ZHX2: variants seen among roughly 807,000 people sequenced by gnomAD.
ZHX2 encodes zinc fingers and homeoboxes protein 2.
In ZHX2, 6 loss-of-function variants were observed where a neutral mutation model predicts 21.9. The observed-to-expected ratio is 0.27, with a 90% confidence interval of 0.15 to 0.54. The LOEUF (loss-of-function observed/expected upper bound fraction) is 0.54. ZHX2 is among the 20% of genes least tolerant of loss of function. The probability of loss-of-function intolerance (pLI) is 0.95; values close to 1 mark genes in which losing one functional copy is unlikely to be tolerated. For synonymous variants in ZHX2, 434 were observed against 437.1 expected (o/e 0.99, Z 0.09); for missense variants, 908 against 1,090.7 (o/e 0.83, Z 2.36).
At chr8:122,966,452 A>G (rs781524051) in intron 3 of ZHX2, among the ~76,000 whole-genome samples, 1 of 152,140 alleles carries the variant, frequency 6.6e-6, no homozygotes, top group Non-Finnish European at 1.5e-5. Context: ...ACTGGTAATT[A>G]TTTTGTTTAA....
chr8:122,952,694 T>C lies in ZHX2; in HGVS notation c.1184T>C (p.Leu395Pro), dbSNP rs1419145126. The change falls in exon 3 of 4, where the codon CTT becomes CCT. Residue 395 changes from leucine to proline, a missense_variant. By Grantham distance (98) the Leu-to-Pro change is moderately conservative. Transcript: ENST00000314393. This position sits in a 1 kb window ranked among gnomAD's most constrained non-coding sequence, Gnocchi z 6.9. ...STTVSCSPIT[L>P]AVAGVTNHGQ... ...ACCGTCTCTTGCTCCCCCATCACACTTGCCGTGGCAGGAGTCACCAACCAT... is the reference window on the plus strand; with the variant it reads ...ACCGTCTCTTGCTCCCCCATCACACCTGCCGTGGCAGGAGTCACCAACCAT... 6.2e-7 allele frequency: 1 copy of C among 1,614,038 alleles called. No individual in the cohort carries two copies. Among genetic ancestry groups the C allele is most frequent in the Non-Finnish European group, 8.5e-7 (1 of 1,180,000 alleles).
chr8:122,876,175 C>T (rs555952558), intron 2 of ZHX2, among the ~76,000 whole-genome samples: 98 of 144,648 alleles, frequency 6.8e-4, no homozygotes, highest in African/African-American at 2.4e-3. Flanking sequence ...CATCACAACA[C>T]AGCACCAGGA....
chr8:122,946,185 G>A (rs1390761876), intron 2 of ZHX2, among the ~76,000 whole-genome samples: 1 of 151,738 alleles, frequency 6.6e-6, no homozygotes, highest in African/African-American at 2.4e-5. Flanking sequence ...CAGACCCGAA[G>A]ACTTTGCTCA....
upstream of ZHX2, chr8:122,780,532 A>G (rs748405703): frequency 3.9e-5 from 6 of 152,298 alleles, no homozygotes; most frequent in Non-Finnish European, 8.8e-5. Context: ...GCCGCCTGAG[A>G]TCCCGAAGTG....
intron 3 of ZHX2, among the ~76,000 whole-genome samples, chr8:122,958,383 A>T (rs1282473917): frequency 6.6e-6 from 1 of 152,256 alleles, no homozygotes; most frequent in Admixed American, 6.5e-5. Flanking sequence ...TTTTTTCAGA[A>T]AAATGAGTCA....
intron 3 of ZHX2, among the ~76,000 whole-genome samples, chr8:122,965,554 G>C (rs1813559816): frequency 1.3e-5 from 2 of 152,118 alleles, no homozygotes; most frequent in Admixed American, 1.3e-4. Flanking sequence ...ATTAAGACTT[G>C]TTTTGTGGCC....
At chr8:122,784,937 C>G (rs75421337) in intron 1 of ZHX2, among the ~76,000 whole-genome samples, 2,579 of 152,306 alleles carry the variant, frequency 0.017, 45 homozygotes, top group East Asian at 0.045. Context: ...ACAGAGCCCC[C>G]CTGGCAGAAA....
chr8:122,863,405 A>T (rs571925157), intron 1 of ZHX2, 72 bp from the exon 2 acceptor site: 1 of 152,468 alleles, frequency 6.6e-6, no homozygotes, highest in African/African-American at 2.4e-5. Flanking sequence ...CATTGACTCC[A>T]TCCTGCTAGA....
At chr8:122,965,069 A>G (rs1004259784) in intron 3 of ZHX2, among the ~76,000 whole-genome samples, 3 of 131,456 alleles carry the variant, frequency 2.3e-5, no homozygotes, top group Non-Finnish European at 4.9e-5. Context: ...CAAGTGGTCT[A>G]TCAATTTTGT....
intron 3 of ZHX2, among the ~76,000 whole-genome samples, chr8:122,959,484 C>A (rs2090022214): frequency 6.6e-6 from 1 of 152,164 alleles, no homozygotes; most frequent in Non-Finnish European, 1.5e-5. Context: ...GTACCAGACC[C>A]TTACCGGCAG....
chr8:122,820,807 AT>A (rs1471642353), intron 1 of ZHX2, among the ~76,000 whole-genome samples: 2 of 152,196 alleles, frequency 1.3e-5, no homozygotes, highest in African/African-American at 4.8e-5. Context: ...CTGTCTCCGA[AT>A]ATTAAAGGTG....
intron 1 of ZHX2, among the ~76,000 whole-genome samples, chr8:122,793,048 C>T (rs984865956): frequency 2.6e-5 from 4 of 152,164 alleles, no homozygotes; most frequent in African/African-American, 9.7e-5. Flanking sequence ...TCTGCAGTCC[C>T]CACAGTTAGC....
intron 1 of ZHX2, among the ~76,000 whole-genome samples, chr8:122,801,267 A>G (rs1005870793): frequency 1.3e-5 from 2 of 151,806 alleles, no homozygotes; most frequent in African/African-American, 4.9e-5. Context: ...TGGGCAAATT[A>G]TCATTTTAAT....
At chr8:122,894,109 T>C (rs776227685) in intron 2 of ZHX2, among the ~76,000 whole-genome samples, 6 of 152,262 alleles carry the variant, frequency 3.9e-5, no homozygotes, top group Non-Finnish European at 4.4e-5. Context: ...AGTGCTTTAG[T>C]GGCCTAGGCT....
intron 1 of ZHX2, among the ~76,000 whole-genome samples, chr8:122,844,060 A>G (rs974929691): frequency 2.0e-5 from 3 of 152,062 alleles, no homozygotes; most frequent in African/African-American, 7.2e-5. Flanking sequence ...CAAGCCACCT[A>G]TGCCTTTCTT....
chr8:122,798,127 G>A (rs1817648192), intron 1 of ZHX2, among the ~76,000 whole-genome samples: 1 of 152,196 alleles, frequency 6.6e-6, no homozygotes, highest in African/African-American at 2.4e-5. Flanking sequence ...ACCCAGCACT[G>A]GAGGGTGGGA....
intron 2 of ZHX2, among the ~76,000 whole-genome samples, chr8:122,904,508 G>T (rs1006504793): frequency 1.3e-5 from 2 of 152,070 alleles, no homozygotes; most frequent in Admixed American, 6.6e-5. Flanking sequence ...GGGAGCCGTA[G>T]CAAGACACTC....
chr8:122,915,494 A>T (rs556547629), intron 2 of ZHX2, among the ~76,000 whole-genome samples: 10 of 152,332 alleles, frequency 6.6e-5, no homozygotes, highest in Admixed American at 3.3e-4. Flanking sequence ...GAAATAGTAA[A>T]TAAATAGTAA....
chr8:122,820,212 G>A (rs1377013873), intron 1 of ZHX2, among the ~76,000 whole-genome samples: 2 of 152,194 alleles, frequency 1.3e-5, no homozygotes. Flanking sequence ...CCTGACTCTT[G>A]TCCTCTGTCC....
Sources: gnomAD v4.1 joint callset for allele counts (sites outside exome capture counted in the v4.1 genomes callset) on GRCh38, gnomAD v4.1.1 for gene constraint, Gnocchi (gnomAD v3.1) non-coding constraint, MANE v1.5 for transcripts, NCBI Gene and HGNC (gene_info 2026-07-23, HGNC 2026-07-21) for gene names.